Variants in DOCK9 observed in about 807,000 individuals in gnomAD.
DOCK9 encodes dedicator of cytokinesis protein 9.
Under a neutral mutation model 263.3 loss-of-function variants are expected in DOCK9, and 89 were observed. The observed-to-expected ratio is 0.34, with a 90% CI of 0.28 to 0.40. The LOEUF is 0.40. Among genes scored for constraint, DOCK9 ranks in the 10% least tolerant of loss-of-function variants. The probability of loss-of-function intolerance (pLI) is 1.00; values close to 1 mark genes in which losing one functional copy is unlikely to be tolerated. For missense variants in DOCK9, 2,140 were observed against 2,603.4 expected, an observed-to-expected ratio of 0.82 and a Z score of 3.87; for synonymous variants, 976 against 973.1, an observed-to-expected ratio of 1.00 and a Z score of -0.06.
In DOCK9 at chr13:98,941,314, A is replaced by T. The variant is rs2055800314; in HGVS notation, c.244-11057T>A. ...AGGGACTGCGCAATTTAGTTGTGAGATCACATGAGGTTCCAAATGAGACAG... is the reference window on the plus strand; with the variant it reads ...AGGGACTGCGCAATTTAGTTGTGAGTTCACATGAGGTTCCAAATGAGACAG... On this transcript the variant is annotated intron_variant, in intron 2 of 52. Transcript: ENST00000682017. Among the ~76,000 whole-genome samples, 11 of 152,306 alleles carry T rather than the reference A, an allele frequency of 7.2e-5. No individual in the cohort carries two copies. The South Asian group carries it at 2.3e-3, about 32-fold the overall frequency.
Position 98,899,204 on chromosome 13 carries a change from G to C in DOCK9, c.1504-943C>G, listed in dbSNP as rs186725724. Among the ~76,000 whole-genome samples, 18 of 152,118 alleles carry C rather than the reference G, an allele frequency of 1.2e-4. No individual in the cohort carries two copies. The East Asian group carries it at 3.5e-3, about 29-fold the overall frequency. On this transcript the variant is annotated intron_variant, in intron 13 of 52. Coordinates refer to ENST00000682017, the MANE Select transcript of DOCK9 (RefSeq NM_001366683.2). ...CTCAGGCCTTGCCCCAAACTTCCTG[G>C]ATCAGAACGTGCGTTCTGACAAGAC... is the stretch of plus-strand genomic sequence containing the variant.
intron 1 of DOCK9, among the ~76,000 whole-genome samples, chr13:99,002,635 G>C (rs1390385504): frequency 1.3e-5 from 2 of 152,274 alleles, no homozygotes; most frequent in Non-Finnish European, 2.9e-5. Flanking sequence ...GCTAGACCAG[G>C]CTCCCCATTC....
chr13:98,982,356 T>C (rs1216056168), upstream of DOCK9, among the ~76,000 whole-genome samples: 3 of 152,220 alleles, frequency 2.0e-5, no homozygotes, highest in Non-Finnish European at 4.4e-5. Flanking sequence ...TGACTCTCTC[T>C]GTAGAGGGAA....
In DOCK9 at chr13:98,914,339, C is replaced by T. The variant is rs1281117985; in HGVS notation, c.949G>A (p.Glu317Lys). 3 of 1,608,626 alleles carry T rather than the reference C, an allele frequency of 1.9e-6. No homozygotes were observed. In the East Asian group the frequency reaches 6.7e-5, roughly 36 times the overall value. ...SGSGLDSYLP[E>K]LAKSAREAEI... The stretch of plus-strand genomic sequence containing the variant: ...TAAGACGATGTTACCTTGGCAAGTT[C>T]CGGCAGGTAGCTATCTAAACCGGAA... The change falls in exon 9 of 53, where the codon GAA becomes AAA. Residue 317 changes from glutamate (E) to lysine (K), a missense_variant. Transcript: ENST00000682017.
intron 1 of DOCK9, among the ~76,000 whole-genome samples, chr13:99,028,936 T>A (rs1172322328): frequency 1.3e-5 from 2 of 152,208 alleles, no homozygotes; most frequent in Non-Finnish European, 2.9e-5. Flanking sequence ...AGGTATTCTC[T>A]CCCAGCTCCA....
At chr13:98,997,698 G>A (rs2141795226) in intron 1 of DOCK9, among the ~76,000 whole-genome samples, 1 of 152,306 alleles carries the variant, frequency 6.6e-6, no homozygotes, top group East Asian at 1.9e-4. Context: ...TTATTTTCCT[G>A]TCTCTGTGCA....
chr13:99,031,499 A>G (rs554142298), intron 1 of DOCK9, among the ~76,000 whole-genome samples: 156 of 152,362 alleles, frequency 1.0e-3, no homozygotes, highest in Non-Finnish European at 1.7e-3. Context: ...ATTTACACAC[A>G]TAAGATTCTG....
At chr13:98,876,349 G>A (rs1476882163) in intron 27 of DOCK9, among the ~76,000 whole-genome samples, 1 of 152,132 alleles carries the variant, frequency 6.6e-6, no homozygotes, top group South Asian at 2.1e-4. Context: ...AAATTAGCTG[G>A]GCGTGGTAGC....
At chr13:99,052,744 A>G (rs2040754827) in intron 1 of DOCK9, among the ~76,000 whole-genome samples, 1 of 149,802 alleles carries the variant, frequency 6.7e-6, no homozygotes, top group Non-Finnish European at 1.5e-5. Context: ...GGGACTATAG[A>G]CACATGCCAC....
Position 98,885,070 on chromosome 13 carries a change from G to A in DOCK9, c.2283C>T (p.Leu761=), listed in dbSNP as rs752140830. 1 of 1,613,674 alleles carries A rather than the reference G, an allele frequency of 6.2e-7. No individual in the cohort carries two copies. The highest frequency in any genetic ancestry group is 8.5e-7 in the Non-Finnish European group (1 of 1,179,806). The change falls in exon 21 of 53, where the codon CTC becomes CTT. Residue 761 remains leucine (L), a synonymous_variant. Transcript: ENST00000682017. Reference sequence around the variant, plus strand: ...TTGTCACCACCCTTCCGTCTTTCAGGAGGGGAAGCCAGGAGTAGCCAACTG... The same window carrying A: ...TTGTCACCACCCTTCCGTCTTTCAGAAGGGGAAGCCAGGAGTAGCCAACTG... ...ETQVGYSWLP[L]LKDGRVVTSE... is the part of the protein sequence containing the mutation.
chr13:99,058,294 A>G (rs1390401713), intron 1 of DOCK9, among the ~76,000 whole-genome samples: 1 of 151,732 alleles, frequency 6.6e-6, no homozygotes, highest in Non-Finnish European at 1.5e-5. Context: ...CCTCCTGAAT[A>G]GCTAGGATTA....
At chr13:98,894,310 C>A (rs2047059950) in intron 15 of DOCK9, among the ~76,000 whole-genome samples, 1 of 152,136 alleles carries the variant, frequency 6.6e-6, no homozygotes, top group Non-Finnish European at 1.5e-5. Flanking sequence ...ATAAAAATGA[C>A]AGAATGTTAT....
At position 99,021,431 on chromosome 13, in the gene DOCK9, T is replaced by A. The variant is rs533762293; in HGVS notation, c.129+64792A>T. Among the ~76,000 whole-genome samples, 598 of 151,548 alleles carry A rather than the reference T, an allele frequency of 3.9e-3. 2 individuals are homozygous for A. The highest frequency in any genetic ancestry group is 6.1e-3 in the Non-Finnish European group (414 of 67,844). Reference sequence around the variant, plus strand: ...AAGGCGGATGGATCACGAGGTCAGGTGATTGAGACCATCCTGGCTAACACG... The same window carrying A: ...AAGGCGGATGGATCACGAGGTCAGGAGATTGAGACCATCCTGGCTAACACG... On this transcript the variant is annotated intron_variant, in intron 1 of 32. Transcript: ENST00000427887.
chr13:98,895,131 C>T (rs1419343386), intron 15 of DOCK9, among the ~76,000 whole-genome samples: 28 of 122,222 alleles, frequency 2.3e-4, no homozygotes, highest in African/African-American at 7.5e-4. Context: ...GGCGACAGAG[C>T]GAGACTCCAT....
chr13:98,902,517 A>G (rs533242474), intron 11 of DOCK9, 26 bp from the exon 12 acceptor site: 2 of 1,603,848 alleles, frequency 1.2e-6, no homozygotes, highest in South Asian at 1.1e-5. Flanking sequence ...CAATCCAATG[A>G]TCACCATGGC....
At chr13:98,808,792 C>G in intron 47 of DOCK9, 1 of 724,064 alleles carries the variant, frequency 1.4e-6, no homozygotes. Flanking sequence ...TGTTAAGGGA[C>G]TCGAAGGTTA....
chr13:99,015,721 C>A, intron 1 of DOCK9: 1 of 1,419,630 alleles, frequency 7.0e-7, no homozygotes, highest in Non-Finnish European at 9.2e-7. Context: ...CAAGCAGTCA[C>A]CGGTACTGGA....
intron 1 of DOCK9, among the ~76,000 whole-genome samples, chr13:99,008,354 C>T (rs954518343): frequency 6.6e-6 from 1 of 151,664 alleles, no homozygotes; most frequent in African/African-American, 2.4e-5. Context: ...CTGCCTCAGC[C>T]TCCCGAGTAG....
At chr13:98,801,631 C>A (rs2090118909) in intron 49 of DOCK9, among the ~76,000 whole-genome samples, 1 of 152,122 alleles carries the variant, frequency 6.6e-6, no homozygotes, top group South Asian at 2.1e-4. Context: ...ATAGAAATAT[C>A]TATAATATTC....
Sources: gnomAD v4.1 joint callset for allele counts (sites outside exome capture counted in the v4.1 genomes callset) on GRCh38, gnomAD v4.1.1 for gene constraint, MANE v1.5 for transcripts, NCBI Gene and HGNC (gene_info 2026-07-23, HGNC 2026-07-21) for gene names.